The following SBF2 variants were observed in gnomAD, a reference collection of about 807,000 sequenced individuals.
SBF2 encodes the protein myotubularin-related protein 13.
In SBF2, 112 loss-of-function variants were observed where a neutral mutation model predicts 225.2. The ratio of observed to expected loss-of-function variants is 0.50; its 90% CI spans 0.43 to 0.58. SBF2 has a LOEUF of 0.58. Ranked by LOEUF, SBF2 falls within the 20% of genes least tolerant of loss-of-function variation. The probability of loss-of-function intolerance (pLI) is 0.00; values close to 1 mark genes in which losing one functional copy is unlikely to be tolerated. For missense variants in SBF2, 1,996 were observed against 2,206.2 expected, an observed-to-expected ratio of 0.90 and a Z score of 1.91; for synonymous variants, 763 against 773.3, an observed-to-expected ratio of 0.99 and a Z score of 0.22.
Position 10,178,074 on chromosome 11 carries a change from G to C in SBF2, c.141+15828C>G, listed in dbSNP as rs1290341195. On this transcript the variant is annotated intron_variant, in intron 2 of 39. Transcript: ENST00000256190. ...ACTATCTGATCTTTGACAAACCTGA[G>C]AAAAACAAGCAATGGGGAAAGGATT... Among the ~76,000 whole-genome samples, 116 of 145,842 alleles carry C rather than the reference G, an allele frequency of 8.0e-4. 14 individuals carry two copies. The highest frequency in any genetic ancestry group is 3.5e-3 in the Middle Eastern group (1 of 286).
At chr11:9,849,951 C>T in intron 22 of SBF2, 72 bp downstream of exon 22, 1 of 1,380,016 alleles carries the variant, frequency 7.2e-7, no homozygotes. Context: ...CTGCAAATCA[C>T]TGTGCACAGA....
Position 10,239,729 on chromosome 11 carries a change from C to A in SBF2, c.56-45742G>T, listed in dbSNP as rs537343697. On this transcript the variant is annotated intron_variant, in intron 1 of 39. Coordinates refer to ENST00000256190, the MANE Select transcript of SBF2 (RefSeq NM_030962.4). ...TTTACAAAAGACCGTGACGTCACAACAATGGTCAAGAGAAAACGCAAAATG... is the reference window on the plus strand; with the variant it reads ...TTTACAAAAGACCGTGACGTCACAAAAATGGTCAAGAGAAAACGCAAAATG... Among the ~76,000 whole-genome samples the A allele has an allele frequency of 9.3e-4, 137 of 147,416 alleles. 1 individual carries two copies. Among genetic ancestry groups the A allele is most frequent in the African/African-American group, 3.2e-3 (130 of 41,002 alleles).
chr11:10,202,062 A>G (rs1170352247), intron 1 of SBF2, among the ~76,000 whole-genome samples: 1 of 152,240 alleles, frequency 6.6e-6, no homozygotes, highest in Non-Finnish European at 1.5e-5. Context: ...ACAAACTGAA[A>G]TTAAAACTAA....
chr11:10,182,584 T>C (rs1956777706), intron 2 of SBF2, among the ~76,000 whole-genome samples: 1 of 152,072 alleles, frequency 6.6e-6, no homozygotes, highest in Admixed American at 6.6e-5. Context: ...GACAGGGTCT[T>C]ACTCTGTCAC....
chr11:9,882,809 A>C (rs1333531017), intron 17 of SBF2, among the ~76,000 whole-genome samples: 4 of 83,720 alleles, frequency 4.8e-5, no homozygotes, highest in African/African-American at 2.4e-4. Flanking sequence ...AAAAAAAAAA[A>C]AAAAAAAAAA....
At chr11:9,857,242 CAGCAA>C (rs1378373381) in intron 18 of SBF2, among the ~76,000 whole-genome samples, 1 of 152,192 alleles carries the variant, frequency 6.6e-6, no homozygotes, top group African/African-American at 2.4e-5. Context: ...CAGGAAGCAG[CAGCAA>C]AGCACCTTAT....
intron 30 of SBF2, among the ~76,000 whole-genome samples, chr11:9,811,586 A>G (rs573886026): frequency 6.6e-6 from 1 of 152,306 alleles, no homozygotes; most frequent in East Asian, 1.9e-4. Context: ...CGGGTATGCA[A>G]AGCACCCTAA....
chr11:10,080,908 T>C (rs1951340418), intron 2 of SBF2, among the ~76,000 whole-genome samples: 2 of 151,940 alleles, frequency 1.3e-5, no homozygotes, highest in African/African-American at 2.4e-5. Flanking sequence ...CAAGAAAATA[T>C]AACAATCCTA....
rs1489107091 is a variant in SBF2, at chr11:9,856,444, T to C, written c.2363+14A>G. 3 of 1,613,248 alleles carry C rather than the reference T, an allele frequency of 1.9e-6. No homozygotes were observed. The highest frequency in any genetic ancestry group is 8.5e-7 in the Non-Finnish European group (1 of 1,180,010). Reference sequence around the variant, plus strand: ...AAGAGTAGGAGGAGGGTCTGTGTGTTCACATTTTGGTACCTGTTTGTGACA... The same window carrying C: ...AAGAGTAGGAGGAGGGTCTGTGTGTCCACATTTTGGTACCTGTTTGTGACA... On this transcript the variant is annotated intron_variant, in intron 19 of 39. Coordinates refer to ENST00000256190, the MANE Select transcript of SBF2 (RefSeq NM_030962.4).
intron 17 of SBF2, among the ~76,000 whole-genome samples, chr11:9,875,297 T>C (rs1264546988): frequency 2.6e-5 from 4 of 152,184 alleles, no homozygotes; most frequent in South Asian, 2.1e-4. Flanking sequence ...CATTAAACTG[T>C]TCTAGGACTG....
At position 9,933,279 on chromosome 11, in the gene SBF2, G is replaced by C. The variant is rs1469561990; in HGVS notation, c.1860+28678C>G. ...ACAGAAGGTTAACAAGGATATCCAG[G>C]ACTTGAACTCAGCTCTGGACCAAGT... is the stretch of plus-strand genomic sequence containing the variant. On this transcript the variant is annotated intron_variant, in intron 16 of 39. Transcript: ENST00000256190. Among the ~76,000 whole-genome samples, 4 of 152,078 alleles carry C rather than the reference G, an allele frequency of 2.6e-5. No homozygotes were observed. In the East Asian group the frequency reaches 7.7e-4, roughly 29 times the overall value.
At chr11:10,164,060 T>C (rs898738166) in intron 2 of SBF2, among the ~76,000 whole-genome samples, 2 of 152,206 alleles carry the variant, frequency 1.3e-5, no homozygotes, top group Non-Finnish European at 2.9e-5. Context: ...ATCAGTGAGA[T>C]AACTTTTGGT....
intron 1 of SBF2, among the ~76,000 whole-genome samples, chr11:10,245,759 A>G (rs1202845354): frequency 6.6e-6 from 1 of 152,260 alleles, no homozygotes; most frequent in African/African-American, 2.4e-5. Context: ...GTCCATTGAC[A>G]GATAAATGGA....
intron 2 of SBF2, among the ~76,000 whole-genome samples, chr11:10,162,269 T>C (rs1955785771): frequency 6.6e-6 from 1 of 152,008 alleles, no homozygotes; most frequent in Admixed American, 6.6e-5. Flanking sequence ...GTTACAGGCA[T>C]TTAGTTGAAT....
intron 1 of SBF2, among the ~76,000 whole-genome samples, chr11:10,267,513 C>T (rs1303713491): frequency 6.6e-6 from 1 of 152,050 alleles, no homozygotes; most frequent in Non-Finnish European, 1.5e-5. Context: ...AGGAGTGTGG[C>T]AAGTTTCTGA....
intron 32 of SBF2, among the ~76,000 whole-genome samples, chr11:9,797,481 A>T (rs780596663): frequency 3.9e-5 from 6 of 152,204 alleles, no homozygotes; most frequent in Non-Finnish European, 8.8e-5. Flanking sequence ...ATGTGAGCCA[A>T]TGCCTTCCTG....
chr11:10,098,720 C>CATAT (rs144970897), intron 2 of SBF2, among the ~76,000 whole-genome samples: 1 of 140,260 alleles, frequency 7.1e-6, no homozygotes, highest in African/African-American at 2.7e-5. Context: ...CACACACACA[C>CATAT]GAAATTCTGG....
intron 2 of SBF2, among the ~76,000 whole-genome samples, chr11:10,083,307 C>A (rs1951437262): frequency 1.3e-5 from 2 of 152,144 alleles, no homozygotes; most frequent in African/African-American, 4.8e-5. Flanking sequence ...ATGATGCTGA[C>A]AAAAGCAGTC....
intron 2 of SBF2, among the ~76,000 whole-genome samples, chr11:10,092,941 G>GA (rs1005804498): frequency 2.9e-4 from 42 of 145,650 alleles, no homozygotes; most frequent in East Asian, 1.2e-3. Context: ...TGCCTTTTAG[G>GA]AAAAAAAAAA....
Sources: allele counts gnomAD v4.1 joint callset (sites outside exome capture counted in the v4.1 genomes callset), GRCh38; gene constraint gnomAD v4.1.1; transcripts MANE v1.5; gene names NCBI Gene and HGNC (gene_info 2026-07-23, HGNC 2026-07-21).